The following USP47 variants were observed in gnomAD, a reference collection of about 807,000 sequenced individuals.
USP47 encodes ubiquitin specific peptidase 47.
Under a neutral mutation model 165.1 loss-of-function variants are expected in USP47, and 35 were observed. That is an observed-to-expected ratio of 0.21 (90% CI 0.16 to 0.28). The LOEUF (loss-of-function observed/expected upper bound fraction) is 0.28. USP47 is among the 10% of genes least tolerant of loss of function. The pLI is 1.00. For missense variants in USP47, 1,277 were observed against 1,607.4 expected (o/e 0.79, Z 3.52); for synonymous variants, 531 against 544.5 (o/e 0.98, Z 0.35).
chr11:11,875,940 C>T (rs1374030731), intron 1 of USP47, among the ~76,000 whole-genome samples: 2 of 152,148 alleles, frequency 1.3e-5, no homozygotes, highest in Non-Finnish European at 2.9e-5. Context: ...TTTCTTCAAA[C>T]TTTGCTAGGA....
At chr11:11,915,191 A>C (rs1853320542) in intron 8 of USP47, among the ~76,000 whole-genome samples, 1 of 152,236 alleles carries the variant, frequency 6.6e-6, no homozygotes, top group African/African-American at 2.4e-5. Context: ...ACTTGAAAGA[A>C]TATCCAGGGA....
At chr11:11,890,773 A>G (rs553768798) in intron 3 of USP47, among the ~76,000 whole-genome samples, 14 of 152,352 alleles carry the variant, frequency 9.2e-5, no homozygotes, top group Admixed American at 5.2e-4. Flanking sequence ...ATGCCCATCA[A>G]TGATAGATTG....
At chr11:11,952,330 T>C (rs1856277146) in intron 24 of USP47, 1 of 152,274 alleles carries the variant, frequency 6.6e-6, no homozygotes, top group Admixed American at 6.6e-5. Context: ...AATCACTAAA[T>C]TGGGGAGTAA....
At chr11:11,865,144 T>G (rs1392005870) in intron 1 of USP47, among the ~76,000 whole-genome samples, 1 of 152,202 alleles carries the variant, frequency 6.6e-6, no homozygotes, top group African/African-American at 2.4e-5. Context: ...TTCTTTAGGT[T>G]TACCTTATTT....
chr11:11,895,375 G>T (rs1344000681), intron 4 of USP47, among the ~76,000 whole-genome samples: 9 of 152,052 alleles, frequency 5.9e-5, no homozygotes, highest in Non-Finnish European at 2.9e-5. Flanking sequence ...AGCATCCAAG[G>T]TGGTTGTGTT....
intron 1 of USP47, among the ~76,000 whole-genome samples, chr11:11,878,155 T>C (rs1264763904): frequency 6.6e-6 from 1 of 152,140 alleles, no homozygotes; most frequent in African/African-American, 2.4e-5. Context: ...GGACCCTGCA[T>C]TCACATATTT....
Position 11,842,192 on chromosome 11 carries a change from C to T in USP47, c.7C>T (p.Pro3Ser). The change falls in exon 1 of 28, where the codon CCC becomes TCC. Residue 3 changes from proline (P) to serine (S), a missense_variant. Physicochemically the swap from Pro to Ser is moderately conservative, Grantham distance 74. Coordinates refer to ENST00000527733, the MANE Select transcript of USP47 (RefSeq NM_001282659.2). ...GGAGCGGCCGGAGTCAGCGATGGTGCCCGGCGAGGAGAACCAACTGGTCCC... is the reference window on the plus strand; with the variant it reads ...GGAGCGGCCGGAGTCAGCGATGGTGTCCGGCGAGGAGAACCAACTGGTCCC... MV[P>S]GEENQLVPKE... is the part of the protein sequence containing the mutation. 6.4e-7 allele frequency: 1 copy of T among 1,553,774 alleles called. No homozygotes were observed. The highest frequency in any genetic ancestry group is 8.7e-7 in the Non-Finnish European group (1 of 1,147,742).
Position 11,920,232 on chromosome 11 carries a change from A to C in USP47, c.1046A>C (p.Lys349Thr). ...CAGTATTTTTGTGAACGTTGTAAGAAGAAGTGTGATGCACGGAAGGTAAAT... is the reference window on the plus strand; with the variant it reads ...CAGTATTTTTGTGAACGTTGTAAGACGAAGTGTGATGCACGGAAGGTAAAT... Reference protein sequence around the residue: ...PNQYFCERCKKKCDARKGLRF... With the variant: ...PNQYFCERCKTKCDARKGLRF... Residue 349 changes from lysine (K) to threonine (T), a missense_variant, in exon 9 of 28, where the codon AAG becomes ACG. By Grantham distance (78) the Lys-to-Thr change is moderately conservative. Transcript: ENST00000527733. 6.2e-7 allele frequency: 1 copy of C among 1,609,786 alleles called. No individual in the cohort carries two copies. The highest frequency in any genetic ancestry group is 8.5e-7 in the Non-Finnish European group (1 of 1,177,696).
At chr11:11,917,267 G>A (rs1466623517) in intron 8 of USP47, among the ~76,000 whole-genome samples, 1 of 152,090 alleles carries the variant, frequency 6.6e-6, no homozygotes, top group Non-Finnish European at 1.5e-5. Flanking sequence ...TGATAGCCAG[G>A]CAAGTGTTTC....
chr11:11,862,039 T>A (rs1849414857), intron 1 of USP47, among the ~76,000 whole-genome samples: 1 of 149,018 alleles, frequency 6.7e-6, no homozygotes, highest in Non-Finnish European at 1.5e-5. Flanking sequence ...TTTTTTTTTT[T>A]AAGGAAAACA....
At chr11:11,923,831 G>A (rs574173408) in intron 11 of USP47, among the ~76,000 whole-genome samples, 2 of 152,336 alleles carry the variant, frequency 1.3e-5, no homozygotes, top group South Asian at 4.1e-4. Flanking sequence ...GCTATGTAAT[G>A]AATAATGTAA....
intron 1 of USP47, 49 bp downstream of exon 1, chr11:11,842,273 G>A (rs1309518278): frequency 5.2e-6 from 8 of 1,543,058 alleles, no homozygotes; most frequent in Admixed American, 4.0e-5. Flanking sequence ...GCCGCTCGAG[G>A]CAACACAGGC....
chr11:11,947,348 A>C (rs932732861), intron 20 of USP47, among the ~76,000 whole-genome samples: 1 of 152,218 alleles, frequency 6.6e-6, no homozygotes, highest in Non-Finnish European at 1.5e-5. Context: ...GCCCAACCAC[A>C]TGATAAATCA....
intron 7 of USP47, among the ~76,000 whole-genome samples, chr11:11,905,009 A>G (rs915819845): frequency 6.6e-6 from 1 of 152,044 alleles, no homozygotes; most frequent in African/African-American, 2.4e-5. Flanking sequence ...TAACATGCTT[A>G]AAGTGATAGG....
chr11:11,886,878 G>A (rs116700805), intron 3 of USP47, among the ~76,000 whole-genome samples: 1,669 of 152,168 alleles, frequency 0.011, 27 homozygotes, highest in African/African-American at 0.038. Context: ...ACAAACAGTA[G>A]ACCTCTCAGT....
intron 11 of USP47, among the ~76,000 whole-genome samples, chr11:11,923,994 A>G (rs1267345466): frequency 6.6e-6 from 1 of 152,198 alleles, no homozygotes; most frequent in Non-Finnish European, 1.5e-5. Context: ...TCCCATCTGC[A>G]TGCCTTTTTC....
Position 11,956,696 on chromosome 11 carries a change from T to G in USP47, c.*521T>G, listed in dbSNP as rs1306265193. 1.3e-5 allele frequency: 2 copies of G among 152,862 alleles called. No individual in the cohort carries two copies. The highest frequency in any genetic ancestry group is 2.9e-5 in the Non-Finnish European group (2 of 68,206). 9.5% of individuals were successfully genotyped at this position (152,862 alleles called of 1,614,324 possible). On this transcript the variant is annotated 3_prime_UTR_variant, in exon 28 of 28. Transcript: ENST00000527733. ...AACAGGAGCTGAAGAAAAGAAATTC[T>G]TGGAACCAGCCGTAACCCAGTAAGG...
chr11:11,898,813 C>G (rs930134229), intron 5 of USP47, among the ~76,000 whole-genome samples: 1 of 152,138 alleles, frequency 6.6e-6, no homozygotes, highest in African/African-American at 2.4e-5. Flanking sequence ...AGAGAATACA[C>G]TGTGCAGATA....
At chr11:11,917,496 A>G (rs1359322462) in intron 8 of USP47, among the ~76,000 whole-genome samples, 1 of 152,180 alleles carries the variant, frequency 6.6e-6, no homozygotes, top group Non-Finnish European at 1.5e-5. Flanking sequence ...GTAATGTTAC[A>G]TGTTAGACAA....
Sources: gnomAD v4.1 joint callset for allele counts (sites outside exome capture counted in the v4.1 genomes callset) on GRCh38, gnomAD v4.1.1 for gene constraint, MANE v1.5 for transcripts, NCBI Gene and HGNC (gene_info 2026-07-23, HGNC 2026-07-21) for gene names.